Variants in FOSL2 observed in about 807,000 individuals in gnomAD.
The protein encoded by FOSL2 is FOS like 2, AP-1 transcription factor subunit.
Under a neutral mutation model 27.7 loss-of-function variants are expected in FOSL2, and 3 were observed. The ratio of observed to expected loss-of-function variants is 0.11; its 90% CI spans 0.05 to 0.28. The LOEUF is 0.28. Among genes scored for constraint, FOSL2 ranks in the 10% least tolerant of loss-of-function variants. The pLI is 1.00. For synonymous variants in FOSL2, 179 were observed against 190.1 expected, an observed-to-expected ratio of 0.94 and a Z score of 0.48; for missense variants, 333 against 445.1, an observed-to-expected ratio of 0.75 and a Z score of 2.27.
rs1442194400 is a variant in FOSL2, at chr2:28,415,034, C to T, written c.*2586C>T. The T allele has an allele frequency of 6.6e-6, 1 of 152,364 alleles. No homozygotes were observed. The highest frequency in any genetic ancestry group is 1.5e-5 in the Non-Finnish European group (1 of 68,160). The allele number at this position is 152,364 out of a possible 1,614,324, so 9.4% of individuals were successfully genotyped here. On this transcript the variant is annotated 3_prime_UTR_variant, in exon 4 of 4. Coordinates refer to ENST00000264716, the MANE Select transcript of FOSL2 (RefSeq NM_005253.4). Reference sequence around the variant, plus strand: ...CCAAGTTCTCTCTCTCATACACACACACACCCTTGCTCCAGAATCACCAGA... The same window carrying T: ...CCAAGTTCTCTCTCTCATACACACATACACCCTTGCTCCAGAATCACCAGA...
chr2:28,412,228 G>T lies in FOSL2; in HGVS notation c.761G>T (p.Gly254Val). The T allele has an allele frequency of 6.2e-7, 1 of 1,613,830 alleles. No individual in the cohort carries two copies. The highest frequency in any genetic ancestry group is 8.5e-7 in the Non-Finnish European group (1 of 1,179,950). ...ATCAAGCCCATCAGCATTGCTGGGG[G>T]CTTCTACGGTGAGGAGCCCCTGCAC... is the stretch of plus-strand genomic sequence containing the variant. ...SVIKPISIAG[G>V]FYGEEPLHTP... The change falls in exon 4 of 4, where the codon GGC becomes GTC. Residue 254 changes from glycine to valine, a missense_variant. Transcript: ENST00000264716. This position sits in a 1 kb window ranked among gnomAD's most constrained non-coding sequence, Gnocchi z 7.1.
Position 28,413,899 on chromosome 2 carries a change from A to G in FOSL2, c.*1451A>G, listed in dbSNP as rs1664259502. ...TTGGAGATAGGATGTTTTGCTTCCC[A>G]CTGCAGGAGAGCTGCCCCCTTTCAC... On this transcript the variant is annotated 3_prime_UTR_variant, in exon 4 of 4. Coordinates refer to ENST00000264716, the MANE Select transcript of FOSL2 (RefSeq NM_005253.4). 2.5e-6 allele frequency: 1 copy of G among 398,314 alleles called. No individual in the cohort carries two copies. Among genetic ancestry groups the G allele is most frequent in the Non-Finnish European group, 4.4e-6 (1 of 226,104 alleles). The allele number at this position is 398,314 out of a possible 1,614,324, so 24.7% of individuals were successfully genotyped here. A position where few individuals can be genotyped will look rare whatever the true frequency, so the allele number is the denominator to read the frequency against.
intron 2 of FOSL2, among the ~76,000 whole-genome samples, chr2:28,405,803 C>T (rs1664064945): frequency 6.6e-6 from 1 of 152,150 alleles, no homozygotes; most frequent in African/African-American, 2.4e-5. Flanking sequence ...AGCAAGTGGC[C>T]AGTATCCTCC....
rs1219974413 is a variant in FOSL2, at chr2:28,416,262, G to A, written c.*3814G>A. 2.6e-5 allele frequency: 4 copies of A among 152,072 alleles called. No individual in the cohort carries two copies. The highest frequency in any genetic ancestry group is 5.9e-5 in the Non-Finnish European group (4 of 68,030). The allele number at this position is 152,072 out of a possible 1,614,324, so 9.4% of individuals were successfully genotyped here. ...GTTTTGGCCATACATCAACCAAGGG[G>A]TTTAATTTATCCAATGCTTGACGAC... is the stretch of plus-strand genomic sequence containing the variant. On this transcript the variant is annotated 3_prime_UTR_variant, in exon 4 of 4. Transcript: ENST00000264716.
intron 3 of FOSL2, among the ~76,000 whole-genome samples, chr2:28,409,556 G>C (rs977736660): frequency 1.3e-5 from 2 of 152,002 alleles, no homozygotes; most frequent in Non-Finnish European, 2.9e-5. Context: ...CCAACGTCAC[G>C]TAACTCCCTT....
intron 2 of FOSL2, among the ~76,000 whole-genome samples, chr2:28,406,141 C>G (rs969460856): frequency 7.2e-5 from 11 of 151,746 alleles, no homozygotes; most frequent in African/African-American, 2.7e-4. Context: ...CTACAACCTC[C>G]TCCACCTCCG....
At chr2:28,398,322 G>C (rs916226394) in intron 1 of FOSL2, among the ~76,000 whole-genome samples, 1 of 152,220 alleles carries the variant, frequency 6.6e-6, no homozygotes, top group East Asian at 1.9e-4. Context: ...GGGCCAGAGA[G>C]GGAAGGTATA....
At chr2:28,397,493 A>G (rs1456820175) in intron 1 of FOSL2, among the ~76,000 whole-genome samples, 1 of 152,176 alleles carries the variant, frequency 6.6e-6, no homozygotes, top group African/African-American at 2.4e-5. Flanking sequence ...TGATGGTGGA[A>G]GTCAGCTTCA....
At position 28,414,660 on chromosome 2, in the gene FOSL2, T is replaced by C. The variant is rs1012824010; in HGVS notation, c.*2212T>C. On this transcript the variant is annotated 3_prime_UTR_variant, in exon 4 of 4. Coordinates refer to ENST00000264716, the MANE Select transcript of FOSL2 (RefSeq NM_005253.4). ...TATTTCTTAAATGAAGCTGCTTTCT[T>C]GTCTTTTATTTCTAAAAGCCCCCTT... 6.6e-5 allele frequency: 10 copies of C among 152,374 alleles called. No individual in the cohort carries two copies. Among genetic ancestry groups the C allele is most frequent in the Admixed American group, 2.0e-4 (3 of 15,310 alleles). 9.4% of individuals were successfully genotyped at this position (152,374 alleles called of 1,614,324 possible). A position where few individuals can be genotyped will look rare whatever the true frequency, so the allele number is the denominator to read the frequency against.
chr2:28,404,497 C>A lies in FOSL2; in HGVS notation c.354+139C>A. On this transcript the variant is annotated intron_variant, in intron 2 of 3. Transcript: ENST00000264716. The surrounding 1 kb of genome is among the most constrained non-coding windows in gnomAD (Gnocchi z 4.7). ...GGGAGCTAGGGGTCGAAGAGCACGT[C>A]ATCCCCCTTACTGGAGGCCGAGCTG... The A allele has an allele frequency of 9.2e-7, 1 of 1,087,144 alleles. No homozygotes were observed. The highest frequency in any genetic ancestry group is 1.3e-6 in the Non-Finnish European group (1 of 767,674). 67.3% of individuals were successfully genotyped at this position (1,087,144 alleles called of 1,614,324 possible). A position where few individuals can be genotyped will look rare whatever the true frequency, so the allele number is the denominator to read the frequency against.
At chr2:28,398,154 A>G (rs1372299401) in intron 1 of FOSL2, among the ~76,000 whole-genome samples, 1 of 152,248 alleles carries the variant, frequency 6.6e-6, no homozygotes, top group African/African-American at 2.4e-5. Context: ...GAAACAAAGA[A>G]AAAAATAGCA....
chr2:28,398,162 G>A (rs1030170172), intron 1 of FOSL2, among the ~76,000 whole-genome samples: 3 of 152,228 alleles, frequency 2.0e-5, no homozygotes, highest in Non-Finnish European at 4.4e-5. Context: ...GAAAAAAATA[G>A]CATCATTACT....
chr2:28,410,734 G>A (rs1050899621), intron 3 of FOSL2, among the ~76,000 whole-genome samples: 12 of 152,216 alleles, frequency 7.9e-5, no homozygotes, highest in African/African-American at 2.2e-4. Flanking sequence ...AGGTCCTTGC[G>A]GGGTGACCCT....
Position 28,416,395 on chromosome 2 carries a change from A to G in FOSL2, c.*3947A>G, listed in dbSNP as rs1303754015. 2 of 151,034 alleles carry G rather than the reference A, an allele frequency of 1.3e-5. No individual in the cohort carries two copies. The highest frequency in any genetic ancestry group is 3.9e-4 in the East Asian group (2 of 5,150). The allele number at this position is 151,034 out of a possible 1,614,324, so 9.4% of individuals were successfully genotyped here. A position where few individuals can be genotyped will look rare whatever the true frequency, so the allele number is the denominator to read the frequency against. On this transcript the variant is annotated 3_prime_UTR_variant, in exon 4 of 4. Transcript: ENST00000264716. ...TATTTTAAATGTTTACATCTTCTTT[A>G]TGTTGTATCAAGCCTGAATAGAAAC...
rs1295593739 is a variant in FOSL2, at chr2:28,413,756, G to C, written c.*1308G>C. On this transcript the variant is annotated 3_prime_UTR_variant, in exon 4 of 4. Transcript: ENST00000264716. ...TTTACACTCCCCTGTCCCCACCCCA[G>C]TGCACTCTTCTGGCCCAGGCAGCAA... 5.0e-6 allele frequency: 2 copies of C among 398,980 alleles called. No individual in the cohort carries two copies. The highest frequency in any genetic ancestry group is 8.8e-6 in the Non-Finnish European group (2 of 226,316). 24.7% of individuals were successfully genotyped at this position (398,980 alleles called of 1,614,324 possible). A position where few individuals can be genotyped will look rare whatever the true frequency, so the allele number is the denominator to read the frequency against.
Position 28,416,252 on chromosome 2 carries a change from C to G in FOSL2, c.*3804C>G, listed in dbSNP as rs960976154. 6.6e-6 allele frequency: 1 copy of G among 152,028 alleles called. No individual in the cohort carries two copies. Among genetic ancestry groups the G allele is most frequent in the African/African-American group, 2.4e-5 (1 of 41,398 alleles). 9.4% of individuals were successfully genotyped at this position (152,028 alleles called of 1,614,324 possible). A position where few individuals can be genotyped will look rare whatever the true frequency, so the allele number is the denominator to read the frequency against. On this transcript the variant is annotated 3_prime_UTR_variant, in exon 4 of 4. Coordinates refer to ENST00000264716, the MANE Select transcript of FOSL2 (RefSeq NM_005253.4). ...TGCTTCTAGTGTTTTGGCCATACAT[C>G]AACCAAGGGGTTTAATTTATCCAAT...
intron 1 of FOSL2, among the ~76,000 whole-genome samples, chr2:28,398,018 A>G (rs1415826324): frequency 6.6e-6 from 1 of 152,236 alleles, no homozygotes; most frequent in Admixed American, 6.5e-5. Context: ...GAGCATGCCC[A>G]CGACAAAGGA....
At position 28,395,046 on chromosome 2, in the gene FOSL2, A is replaced by G. The variant is rs549040401; in HGVS notation, c.102+1224A>G. ...ATTCCCTATACCTGGTGAGTCCCCA[A>G]AATGGCTTTTCTGTCTTCCCTCTGC... is the stretch of plus-strand genomic sequence containing the variant. On this transcript the variant is annotated intron_variant, in intron 1 of 3. Coordinates refer to ENST00000264716, the MANE Select transcript of FOSL2 (RefSeq NM_005253.4). 5.1e-4 allele frequency among the ~76,000 whole-genome samples: 77 copies of G among 152,242 alleles called. 2 individuals carry two copies. Among genetic ancestry groups the G allele is most frequent in the South Asian group, 4.6e-3 (22 of 4,826 alleles).
chr2:28,396,508 C>G (rs886946637), intron 1 of FOSL2, among the ~76,000 whole-genome samples: 1 of 152,004 alleles, frequency 6.6e-6, no homozygotes, highest in Non-Finnish European at 1.5e-5. Context: ...GAAAACATCT[C>G]CCAGATATAT....
Sources: gnomAD v4.1 joint callset for allele counts (sites outside exome capture counted in the v4.1 genomes callset) on GRCh38, gnomAD v4.1.1 for gene constraint, Gnocchi (gnomAD v3.1) non-coding constraint, MANE v1.5 for transcripts, NCBI Gene and HGNC (gene_info 2026-07-23, HGNC 2026-07-21) for gene names.